DCHS2: variants seen among roughly 807,000 people sequenced by gnomAD.
The protein encoded by DCHS2 is dachsous cadherin-related 2.
Under a neutral mutation model 182.4 loss-of-function variants are expected in DCHS2, and 142 were observed. The observed-to-expected ratio is 0.78, with a 90% confidence interval of 0.68 to 0.89. The LOEUF is 0.89. DCHS2 is among the 40% of genes least tolerant of loss of function. The pLI is 0.00. For missense variants in DCHS2, 4,319 were observed against 4,198.6 expected (o/e 1.03, Z -0.79); for synonymous variants, 1,740 against 1,663.3 (o/e 1.05, Z -1.12).
At chr4:154,256,645 A>G (rs1159616264) in intron 15 of DCHS2, among the ~76,000 whole-genome samples, 1 of 152,200 alleles carries the variant, frequency 6.6e-6, no homozygotes, top group African/African-American at 2.4e-5. Flanking sequence ...ATTAAGAACA[A>G]GTTGACAAAT....
rs572143137 is a variant in DCHS2, at chr4:154,236,154, T to C, written c.8498A>G (p.Asp2833Gly). 5 of 1,613,766 alleles carry C rather than the reference T, an allele frequency of 3.1e-6. No homozygotes were observed. In the South Asian group the frequency reaches 5.5e-5, roughly 18 times the overall value. ...GTCAAGGATTTGCTTAGCATGAATA[T>C]CCCCTGTCAAAGGGTCAATGAGGAA... ...DLFLIDPLTGDIHAKQILDYE... is the reference protein window; with the variant it reads ...DLFLIDPLTGGIHAKQILDYE... Residue 2833 changes from aspartate (D) to glycine (G), a missense_variant, in exon 20 of 20, where the codon GAT (aspartate) becomes GGT (glycine). Transcript: ENST00000357232.
chr4:154,260,721 C>T (rs1362566519), intron 14 of DCHS2, among the ~76,000 whole-genome samples: 7 of 152,160 alleles, frequency 4.6e-5, no homozygotes, highest in Non-Finnish European at 8.8e-5. Flanking sequence ...TGCATCATCG[C>T]TTTGTTCACC....
chr4:154,286,519 G>GA (rs1245130453), intron 13 of DCHS2, among the ~76,000 whole-genome samples: 1 of 151,882 alleles, frequency 6.6e-6, no homozygotes. Context: ...TGAAGTAATT[G>GA]AAAAAATTCA....
intron 1 of DCHS2, among the ~76,000 whole-genome samples, chr4:154,448,142 T>C (rs72969960): frequency 0.021 from 3,274 of 152,296 alleles, 115 homozygotes; most frequent in African/African-American, 0.072. Context: ...TCCATGGCTC[T>C]TCTGGTTTCC....
At chr4:154,446,553 A>G (rs1734292593) in intron 1 of DCHS2, among the ~76,000 whole-genome samples, 1 of 152,134 alleles carries the variant, frequency 6.6e-6, no homozygotes, top group South Asian at 2.1e-4. Context: ...TATCATCTGC[A>G]TTTTACAGAT....
At position 154,320,495 on chromosome 4, in the gene DCHS2, C is replaced by A. The variant is rs764894949; in HGVS notation, c.4904G>T (p.Gly1635Val). The A allele has an allele frequency of 2.5e-6, 4 of 1,613,982 alleles. No individual in the cohort carries two copies. Among genetic ancestry groups the A allele is most frequent in the Admixed American group, 1.7e-5 (1 of 59,976 alleles). ...AGCAGTTATGTGGTGGACCAAGGAG[C>A]CCACTGTGACATCCTCTTTGACATG... ...NAHVKEDVTV[G>V]SLVHHITAHD... Residue 1635 changes from glycine to valine, a missense_variant, in exon 9 of 20, where the codon GGC becomes GTC. Gly to Val is a moderately radical substitution (Grantham distance 109). Coordinates refer to ENST00000357232, the MANE Select transcript of DCHS2 (RefSeq NM_001358235.2).
intron 17 of DCHS2, among the ~76,000 whole-genome samples, 158 bp downstream of exon 17, chr4:154,242,484 C>T (rs1461648667): frequency 6.6e-6 from 1 of 152,072 alleles, no homozygotes; most frequent in East Asian, 1.9e-4. Context: ...AACTTATGAT[C>T]ATCCATTTTT....
chr4:154,445,808 CA>C (rs11335225), intron 1 of DCHS2, among the ~76,000 whole-genome samples: 56,570 of 110,456 alleles, frequency 0.51, 11,361 homozygotes, highest in East Asian at 0.75. Context: ...AAGACACTGT[CA>C]AAAAAAAAAA....
At chr4:154,390,707 G>A (rs140824503) in intron 1 of DCHS2, among the ~76,000 whole-genome samples, 2 of 98,560 alleles carry the variant, frequency 2.0e-5, no homozygotes, top group African/African-American at 7.3e-5. Context: ...TCTTAGTTCT[G>A]GTTCATATGA....
intron 1 of DCHS2, among the ~76,000 whole-genome samples, chr4:154,429,092 T>A (rs757963865): frequency 3.9e-5 from 6 of 152,190 alleles, no homozygotes; most frequent in Non-Finnish European, 8.8e-5. Flanking sequence ...GGCGATGGTT[T>A]ATAAACTGGG....
At chr4:154,266,501 A>G (rs576183418) in intron 14 of DCHS2, among the ~76,000 whole-genome samples, 5 of 152,176 alleles carry the variant, frequency 3.3e-5, no homozygotes, top group Non-Finnish European at 5.9e-5. Flanking sequence ...AAAAAATTAC[A>G]AAAAATTACC....
intron 15 of DCHS2, 25 bp downstream of exon 15, chr4:154,259,500 CCACACACACACACACACACA>C (rs147630053): frequency 7.1e-7 from 1 of 1,410,300 alleles, no homozygotes; most frequent in Non-Finnish European, 9.7e-7. Flanking sequence ...ACAGACACAC[CCACACACACACACACACACA>C]CACACACAAA....
chr4:154,345,939 C>T (rs1162198767), intron 3 of DCHS2, among the ~76,000 whole-genome samples: 1 of 152,212 alleles, frequency 6.6e-6, no homozygotes, highest in Non-Finnish European at 1.5e-5. Context: ...CTTCTGGAGG[C>T]TGGGAAGCCC....
intron 1 of DCHS2, among the ~76,000 whole-genome samples, chr4:154,425,733 AT>A (rs1284741432): frequency 1.3e-5 from 2 of 152,228 alleles, no homozygotes; most frequent in African/African-American, 4.8e-5. Context: ...ACCATAACCA[AT>A]TTTTAAACAG....
intron 3 of DCHS2, among the ~76,000 whole-genome samples, chr4:154,362,643 T>C (rs191933545): frequency 3.9e-5 from 6 of 152,062 alleles, no homozygotes; most frequent in Admixed American, 2.6e-4. Flanking sequence ...ACACAGATAG[T>C]TTTCAATAAC....
At chr4:154,392,127 G>A (rs1463808479) in intron 1 of DCHS2, among the ~76,000 whole-genome samples, 2 of 152,166 alleles carry the variant, frequency 1.3e-5, no homozygotes, top group Non-Finnish European at 2.9e-5. Flanking sequence ...TTAAGGGCCA[G>A]CCTCTTCCCA....
In DCHS2 at chr4:154,489,741, A is replaced by T; in HGVS notation, c.1615T>A (p.Phe539Ile). 1 of 1,551,632 alleles carries T rather than the reference A, an allele frequency of 6.4e-7. No homozygotes were observed. ...GAGGCCTTGTAATGCTGTTGGCTGA[A>T]GAGAGGTGGTTGGTCATTGAGGTCA... ...VADLNDQPPLFSQQHYKASVS... is the reference protein window; with the variant it reads ...VADLNDQPPLISQQHYKASVS... Residue 539 changes from phenylalanine (F) to isoleucine (I), a missense_variant, in exon 1 of 20, where the codon TTC becomes ATC. Physicochemically the swap from Phe to Ile is conservative, Grantham distance 21 (BLOSUM62 0). Coordinates refer to ENST00000357232, the MANE Select transcript of DCHS2 (RefSeq NM_001358235.2).
intron 1 of DCHS2, among the ~76,000 whole-genome samples, chr4:154,468,269 A>C (rs1735319008): frequency 6.6e-6 from 1 of 152,166 alleles, no homozygotes; most frequent in African/African-American, 2.4e-5. Context: ...TAAAATAATC[A>C]AGTCCAAAAT....
At chr4:154,374,509 C>T (rs1730798196) in intron 2 of DCHS2, among the ~76,000 whole-genome samples, 2 of 152,222 alleles carry the variant, frequency 1.3e-5, no homozygotes, top group East Asian at 1.9e-4. Context: ...CTGTTTACTC[C>T]TATTTTTTGT....
Sources: allele counts gnomAD v4.1 joint callset (sites outside exome capture counted in the v4.1 genomes callset), GRCh38; gene constraint gnomAD v4.1.1; transcripts MANE v1.5; gene names NCBI Gene and HGNC (gene_info 2026-07-23, HGNC 2026-07-21).